The following INTS3 variants were observed in gnomAD, a reference collection of about 807,000 sequenced individuals.
The protein encoded by INTS3 is integrator complex subunit 3.
In INTS3, 34 loss-of-function variants were observed where a neutral mutation model predicts 146.3. The ratio of observed to expected loss-of-function variants is 0.23; its 90% CI spans 0.18 to 0.31. The LOEUF (loss-of-function observed/expected upper bound fraction) is 0.31. Among genes scored for constraint, INTS3 ranks in the 10% least tolerant of loss-of-function variants. The probability of loss-of-function intolerance (pLI) is 1.00; values close to 1 mark genes in which losing one functional copy is unlikely to be tolerated. For synonymous variants in INTS3, 475 were observed against 494.9 expected (o/e 0.96, Z 0.53); for missense variants, 757 against 1,304.2 (o/e 0.58, Z 6.46).
At chr1:153,769,468 A>G (rs1351076903) in intron 22 of INTS3, among the ~76,000 whole-genome samples, 4 of 151,912 alleles carry the variant, frequency 2.6e-5, no homozygotes, top group East Asian at 3.9e-4. Flanking sequence ...ACCCTGCCCA[A>G]CCTACATCCA....
intron 3 of INTS3, among the ~76,000 whole-genome samples, chr1:153,745,682 A>G (rs896733528): frequency 6.6e-6 from 1 of 151,702 alleles, no homozygotes; most frequent in Non-Finnish European, 1.5e-5. Flanking sequence ...TAAGGGGGGA[A>G]GGGAAGCAAT....
At position 153,757,814 on chromosome 1, in the gene INTS3, C is replaced by T; in HGVS notation, c.1149+51C>T. Reference sequence around the variant, plus strand: ...GAAGGGTGCCTCTTCCATGGTGTTCCCATGTTTCCATTCTTCTTCCTGACT... The same window carrying T: ...GAAGGGTGCCTCTTCCATGGTGTTCTCATGTTTCCATTCTTCTTCCTGACT... On this transcript the variant is annotated intron_variant, in intron 10 of 29. Transcript: ENST00000318967. The surrounding 1 kb of genome is among the most constrained non-coding windows in gnomAD (Gnocchi z 4.0). 1 of 1,498,336 alleles carries T rather than the reference C, an allele frequency of 6.7e-7. No individual in the cohort carries two copies. The highest frequency in any genetic ancestry group is 1.1e-5 in the South Asian group (1 of 87,444). The allele number at this position is 1,498,336 out of a possible 1,614,324, so 92.8% of individuals were successfully genotyped here. A position where few individuals can be genotyped will look rare whatever the true frequency, so the allele number is the denominator to read the frequency against.
chr1:153,735,791 C>T (rs1017062239), intron 1 of INTS3, among the ~76,000 whole-genome samples: 4 of 152,084 alleles, frequency 2.6e-5, no homozygotes, highest in African/African-American at 4.8e-5. Context: ...GGTGCAATCA[C>T]GGTTTATTGC....
intron 25 of INTS3, 135 bp downstream of exon 25, chr1:153,770,868 C>T: frequency 1.4e-6 from 1 of 718,552 alleles, no homozygotes; most frequent in South Asian, 1.6e-5. Context: ...CTGCCCTTCC[C>T]CCAACGTGAC....
At chr1:153,748,441 A>C (rs757623371) in intron 5 of INTS3, 3 of 536,370 alleles carry the variant, frequency 5.6e-6, no homozygotes, top group Non-Finnish European at 3.4e-6. Context: ...TCCCACTCCA[A>C]CTCACAATCT....
chr1:153,771,510 A>G (rs1302574836), intron 25 of INTS3, among the ~76,000 whole-genome samples: 1 of 151,716 alleles, frequency 6.6e-6, no homozygotes, highest in Non-Finnish European at 1.5e-5. Flanking sequence ...TCCCAGGCCC[A>G]CTCCCTGACT....
Position 153,728,492 on chromosome 1 carries a change from G to A in INTS3, c.-143G>A. On this transcript the variant is annotated 5_prime_UTR_variant, in exon 1 of 30. Coordinates refer to ENST00000318967, the MANE Select transcript of INTS3 (RefSeq NM_023015.5). ...GGCGCGGCCTTTTGGAGAGGAGGGA[G>A]GAGTGGAGAGGACAGGGGCCCTTGC... 1.0e-6 allele frequency: 1 copy of A among 981,110 alleles called. No individual in the cohort carries two copies. The highest frequency in any genetic ancestry group is 1.5e-6 in the Non-Finnish European group (1 of 672,476). The allele number at this position is 981,110 out of a possible 1,614,324, so 60.8% of individuals were successfully genotyped here. A position where few individuals can be genotyped will look rare whatever the true frequency, so the allele number is the denominator to read the frequency against.
chr1:153,770,637 C>T (rs1672812508), intron 24 of INTS3, 48 bp from the exon 25 acceptor site: 1 of 1,509,024 alleles, frequency 6.6e-7, no homozygotes. Flanking sequence ...CAGATTCCAT[C>T]CTGGAATCAT....
At position 153,757,847 on chromosome 1, in the gene INTS3, C is replaced by G. The variant is rs192474414; in HGVS notation, c.1149+84C>G. ...CCATTCTTCTTCCTGACTCCAGGGC[C>G]ACTTGACCCCTAAGGGCCCTTCTTT... On this transcript the variant is annotated intron_variant, in intron 10 of 29. Coordinates refer to ENST00000318967, the MANE Select transcript of INTS3 (RefSeq NM_023015.5). The surrounding 1 kb of genome is among the most constrained non-coding windows in gnomAD (Gnocchi z 4.0). The G allele has an allele frequency of 6.2e-4, 723 of 1,158,124 alleles. 5 individuals are homozygous for G. In the African/African-American group the frequency reaches 9.6e-3, roughly 15 times the overall value. The allele number at this position is 1,158,124 out of a possible 1,614,324, so 71.7% of individuals were successfully genotyped here.
chr1:153,752,192 A>G, intron 7 of INTS3, 87 bp from the exon 8 acceptor site: 1 of 1,302,600 alleles, frequency 7.7e-7, no homozygotes, highest in Non-Finnish European at 1.1e-6. Context: ...TCCCTAGAAC[A>G]TGTTGTTCCT....
Position 153,728,798 on chromosome 1 carries a change from G to C in INTS3, c.150+14G>C, listed in dbSNP as rs1336877941. 1.3e-6 allele frequency: 2 copies of C among 1,539,966 alleles called. No homozygotes were observed. The highest frequency in any genetic ancestry group is 8.8e-7 in the Non-Finnish European group (1 of 1,136,854). ...GAGTTAGAGGAGGTAGGTGTGGGGG[G>C]AGGGAAGGGAGTTAAGAAATTGGGT... On this transcript the variant is annotated intron_variant, in intron 1 of 29. Transcript: ENST00000318967.
intron 3 of INTS3, among the ~76,000 whole-genome samples, chr1:153,744,774 T>A (rs886301232): frequency 6.6e-6 from 1 of 152,216 alleles, no homozygotes; most frequent in Non-Finnish European, 1.5e-5. Flanking sequence ...GAGTGGCTCA[T>A]GCCTGTAATC....
At chr1:153,769,711 T>G in intron 22 of INTS3, 58 bp from the exon 23 acceptor site, 4 of 1,172,710 alleles carry the variant, frequency 3.4e-6, no homozygotes, top group Non-Finnish European at 5.1e-6. Context: ...CCCTCCATAC[T>G]AGCTTCCTGG....
chr1:153,750,696 T>C (rs1671925425), intron 6 of INTS3, among the ~76,000 whole-genome samples: 1 of 152,212 alleles, frequency 6.6e-6, no homozygotes, highest in South Asian at 2.1e-4. Context: ...TTCCCCATAG[T>C]CTGACCTGGG....
intron 1 of INTS3, among the ~76,000 whole-genome samples, chr1:153,739,609 C>T (rs1329145828): frequency 2.0e-5 from 3 of 152,068 alleles, no homozygotes; most frequent in African/African-American, 7.3e-5. Context: ...GCTGGGATTA[C>T]AGGTGTGAAC....
chr1:153,767,791 G>T lies in INTS3; in HGVS notation c.2208G>T (p.Arg736=). ...AGGCCTGCCAGGAGGACGATGTGCG[G>T]CTCCTGTGCCACCTCACGCCCTCCA... ...DMKACQEDDV[R]LLCHLTPSIY... The change falls in exon 21 of 30, where the codon CGG becomes CGT. Residue 736 remains arginine, a synonymous_variant. Coordinates refer to ENST00000318967, the MANE Select transcript of INTS3 (RefSeq NM_023015.5). 1 of 1,564,448 alleles carries T rather than the reference G, an allele frequency of 6.4e-7. No individual in the cohort carries two copies.
intron 1 of INTS3, among the ~76,000 whole-genome samples, chr1:153,739,374 C>T (rs1317227597): frequency 2.1e-5 from 3 of 140,608 alleles, no homozygotes; most frequent in Non-Finnish European, 4.7e-5. Flanking sequence ...CGGAGTTTCA[C>T]TCTTGTTGCC....
chr1:153,763,475 T>C (rs1270129676), intron 16 of INTS3, 113 bp downstream of exon 16: 6 of 1,161,920 alleles, frequency 5.2e-6, no homozygotes, highest in Non-Finnish European at 7.6e-6. Context: ...TAGGAGTGTG[T>C]GGAGAGGTAG....
intron 1 of INTS3, among the ~76,000 whole-genome samples, chr1:153,732,549 G>A (rs962965450): frequency 1.3e-4 from 19 of 151,740 alleles, no homozygotes; most frequent in African/African-American, 4.6e-4. Context: ...GTGTTCAAGC[G>A]ATTCTCCTGC....
Sources: allele counts gnomAD v4.1 joint callset (sites outside exome capture counted in the v4.1 genomes callset), GRCh38; gene constraint gnomAD v4.1.1; non-coding constraint Gnocchi (gnomAD v3.1); transcripts MANE v1.5; gene names NCBI Gene and HGNC (gene_info 2026-07-23, HGNC 2026-07-21).